The following SKI variants were observed in gnomAD, a reference collection of about 807,000 sequenced individuals.
SKI encodes SKI proto-oncogene.
Under a neutral mutation model 59.3 loss-of-function variants are expected in SKI, and 23 were observed. That is an observed-to-expected ratio of 0.39 (90% CI 0.28 to 0.55). The LOEUF (loss-of-function observed/expected upper bound fraction) is 0.55. SKI is among the 20% of genes least tolerant of loss of function. SKI has a pLI of 0.67. For missense variants in SKI, 1,017 were observed against 1,038.9 expected (o/e 0.98, Z 0.29); for synonymous variants, 673 against 488.6 (o/e 1.38, Z -4.98).
At chr1:2,261,137 C>T (rs1320430639) in intron 1 of SKI, among the ~76,000 whole-genome samples, 2 of 152,156 alleles carry the variant, frequency 1.3e-5, no homozygotes, top group African/African-American at 2.4e-5. Context: ...TCAGTTGATC[C>T]ACTTGTTTAT....
In SKI at chr1:2,248,257, C is replaced by T. The variant is rs529070942; in HGVS notation, c.969+18522C>T. Among the ~76,000 whole-genome samples, 142 of 152,306 alleles carry T rather than the reference C, an allele frequency of 9.3e-4. 1 individual carries two copies. The highest frequency in any genetic ancestry group is 6.8e-3 in the Middle Eastern group (2 of 294). ...TGCCCACACTGCCGCGTCCCCTCTC[C>T]GGGGCTGCCCGGACTCAGCCTGGCT... On this transcript the variant is annotated intron_variant, in intron 1 of 6. Transcript: ENST00000378536.
intron 1 of SKI, among the ~76,000 whole-genome samples, chr1:2,271,248 A>G (rs1376580655): frequency 6.6e-6 from 1 of 152,092 alleles, no homozygotes; most frequent in East Asian, 1.9e-4. Flanking sequence ...TGATGGCTCC[A>G]GGGGCTTTTG....
At chr1:2,260,629 C>T (rs1187341422) in intron 1 of SKI, among the ~76,000 whole-genome samples, 1 of 138,042 alleles carries the variant, frequency 7.2e-6, no homozygotes, top group Non-Finnish European at 1.5e-5. Context: ...CAGCCTTTAC[C>T]TCCCAGGCTG....
chr1:2,289,137 C>T (rs113673409), intron 1 of SKI, among the ~76,000 whole-genome samples: 179 of 152,288 alleles, frequency 1.2e-3, no homozygotes, highest in African/African-American at 4.1e-3. Flanking sequence ...TGCCCCTCCC[C>T]GAGGAGCAGT....
At chr1:2,258,339 C>T (rs1034710863) in intron 1 of SKI, among the ~76,000 whole-genome samples, 9 of 151,994 alleles carry the variant, frequency 5.9e-5, no homozygotes, top group East Asian at 5.8e-4. Flanking sequence ...TTCTAGATGC[C>T]GAGGCCGAAT....
chr1:2,258,443 A>G (rs1407349815), intron 1 of SKI, among the ~76,000 whole-genome samples: 2 of 151,808 alleles, frequency 1.3e-5, no homozygotes, highest in East Asian at 3.9e-4. Context: ...GTTTTTTAAA[A>G]AGAGTTGAAA....
rs1012830095 is a variant in SKI, at chr1:2,308,859, G to T, written c.*2094G>T. The T allele has an allele frequency of 6.6e-6, 1 of 152,188 alleles. No homozygotes were observed. The highest frequency in any genetic ancestry group is 1.5e-5 in the Non-Finnish European group (1 of 68,060). The allele number at this position is 152,188 out of a possible 1,614,324, so 9.4% of individuals were successfully genotyped here. A position where few individuals can be genotyped will look rare whatever the true frequency, so the allele number is the denominator to read the frequency against. ...CTCCTTGCCCTTGCTCCATCCCGAC[G>T]GTCACCGTTGGGTCCACGCCTCCAC... is the stretch of plus-strand genomic sequence containing the variant. On this transcript the variant is annotated 3_prime_UTR_variant, in exon 7 of 7. Transcript: ENST00000378536.
chr1:2,306,306 G>C, intron 6 of SKI, 56 bp downstream of exon 6: 1 of 1,431,118 alleles, frequency 7.0e-7, no homozygotes, highest in Admixed American at 2.2e-5. Context: ...GCCGCCGTGG[G>C]CCCCGGTGGC....
rs941770467 is a variant in SKI, at chr1:2,308,607, T to G, written c.*1842T>G. 2.6e-5 allele frequency: 4 copies of G among 152,100 alleles called. No individual in the cohort carries two copies. The highest frequency in any genetic ancestry group is 7.2e-5 in the African/African-American group (3 of 41,420). 9.4% of individuals were successfully genotyped at this position (152,100 alleles called of 1,614,324 possible). A position where few individuals can be genotyped will look rare whatever the true frequency, so the allele number is the denominator to read the frequency against. The stretch of plus-strand genomic sequence containing the variant: ...TTAGCCTTGTTTTACCAGAGTTGTT[T>G]TTTTTTTCAGTTATTTCTTCAAGGG... On this transcript the variant is annotated 3_prime_UTR_variant, in exon 7 of 7. Transcript: ENST00000378536.
chr1:2,303,135 G>T lies in SKI; in HGVS notation c.1095+32G>T. On this transcript the variant is annotated intron_variant, in intron 2 of 6. Transcript: ENST00000378536. This position sits in a 1 kb window ranked among gnomAD's most constrained non-coding sequence, Gnocchi z 5.6. ...TGGGGCCTGTCGGGGTCCTTGGGGTGGTGGGTACTGGGCCCTTCTCCTTGG... is the reference window on the plus strand; with the variant it reads ...TGGGGCCTGTCGGGGTCCTTGGGGTTGTGGGTACTGGGCCCTTCTCCTTGG... 1 of 1,612,588 alleles carries T rather than the reference G, an allele frequency of 6.2e-7. No homozygotes were observed. The highest frequency in any genetic ancestry group is 8.5e-7 in the Non-Finnish European group (1 of 1,179,844).
At position 2,307,696 on chromosome 1, in the gene SKI, C is replaced by G. The variant is rs1020118213; in HGVS notation, c.*931C>G. ...AAGAGCATTATTTCAATTTTTCTTT[C>G]TTTTTTTTTGTTCGTTCATTTAAAC... On this transcript the variant is annotated 3_prime_UTR_variant, in exon 7 of 7. Transcript: ENST00000378536. 4 of 152,024 alleles carry G rather than the reference C, an allele frequency of 2.6e-5. No homozygotes were observed. The highest frequency in any genetic ancestry group is 4.8e-5 in the African/African-American group (2 of 41,288). 9.4% of individuals were successfully genotyped at this position (152,024 alleles called of 1,614,324 possible).
In SKI at chr1:2,229,690, G is replaced by T; in HGVS notation, c.924G>T (p.Lys308Asn). 6.3e-7 allele frequency: 1 copy of T among 1,598,864 alleles called. No homozygotes were observed. The highest frequency in any genetic ancestry group is 8.5e-7 in the Non-Finnish European group (1 of 1,173,536). ...ARLGRCLDDV[K>N]EKFDYGNKYK... is the part of the protein sequence containing the mutation. Reference sequence around the variant, plus strand: ...TCGGCCGCTGCCTGGACGACGTGAAGGAGAAATTCGACTATGGCAACAAGT... The same window carrying T: ...TCGGCCGCTGCCTGGACGACGTGAATGAGAAATTCGACTATGGCAACAAGT... The change falls in exon 1 of 7, where the codon AAG becomes AAT. Residue 308 changes from lysine to asparagine, a missense_variant. Lys to Asn is a moderately conservative substitution (Grantham distance 94). Transcript: ENST00000378536. This position sits in a 1 kb window ranked among gnomAD's most constrained non-coding sequence, Gnocchi z 6.3.
chr1:2,258,361 G>A (rs770193751), intron 1 of SKI, among the ~76,000 whole-genome samples: 4 of 152,182 alleles, frequency 2.6e-5, no homozygotes, highest in Non-Finnish European at 4.4e-5. Flanking sequence ...GCCCCCTAGG[G>A]AGGATGGGAC....
At chr1:2,251,794 G>T (rs1038901570) in intron 1 of SKI, among the ~76,000 whole-genome samples, 15 of 152,226 alleles carry the variant, frequency 9.9e-5, no homozygotes, top group Non-Finnish European at 2.1e-4. Context: ...TTCTTTCCTC[G>T]TGAATGTCGA....
intron 1 of SKI, among the ~76,000 whole-genome samples, chr1:2,260,092 A>G (rs1425913589): frequency 1.3e-5 from 2 of 152,200 alleles, no homozygotes; most frequent in Admixed American, 6.5e-5. Context: ...CTGCCAGACT[A>G]TCTTCCAAGG....
At chr1:2,253,045 C>T (rs528628859) in intron 1 of SKI, among the ~76,000 whole-genome samples, 1 of 151,474 alleles carries the variant, frequency 6.6e-6, no homozygotes, top group Admixed American at 6.6e-5. Flanking sequence ...GCAGTGAGCC[C>T]AGGTCATGCC....
rs1640596595 is a variant in SKI at position 2,306,744 on chromosome 1, C to T, written c.2166C>T (p.Gly722=). Residue 722 remains glycine (G), a synonymous_variant, in exon 7 of 7, where the codon GGC becomes GGT. Coordinates refer to ENST00000378536, the MANE Select transcript of SKI (RefSeq NM_003036.4). ...RARPEAAGSE[G]AAELEP ...GCCCCGAGGCTGCGGGCAGCGAGGG[C>T]GCTGCGGAGCTGGAGCCGTAGATTC... is the stretch of plus-strand genomic sequence containing the variant. The T allele has an allele frequency of 2.6e-6, 4 of 1,525,326 alleles. No individual in the cohort carries two copies. Among genetic ancestry groups the T allele is most frequent in the South Asian group, 1.2e-5 (1 of 82,124 alleles). 94.5% of individuals were successfully genotyped at this position (1,525,326 alleles called of 1,614,324 possible).
At chr1:2,305,209 C>T (rs1044741962) in intron 5 of SKI, among the ~76,000 whole-genome samples, 12 of 152,210 alleles carry the variant, frequency 7.9e-5, no homozygotes, top group East Asian at 1.9e-4. Context: ...GCTCCGGTCT[C>T]GCGCCTCCTT....
chr1:2,302,591 A>G (rs955989062), intron 1 of SKI, among the ~76,000 whole-genome samples: 3 of 149,222 alleles, frequency 2.0e-5, no homozygotes, highest in South Asian at 2.1e-4. Context: ...GTTCTAGGAA[A>G]GGGGTTTGGC....
Sources: gnomAD v4.1 joint callset for allele counts (sites outside exome capture counted in the v4.1 genomes callset) on GRCh38, gnomAD v4.1.1 for gene constraint, Gnocchi (gnomAD v3.1) non-coding constraint, MANE v1.5 for transcripts, NCBI Gene and HGNC (gene_info 2026-07-23, HGNC 2026-07-21) for gene names.